Variants in EGFL7 observed in about 807,000 individuals in gnomAD.
The protein encoded by EGFL7 is epidermal growth factor-like protein 7.
EGFL7 carries 48 observed loss-of-function variants against 37.1 expected under a neutral mutation model. The observed-to-expected ratio is 1.29, with a 90% confidence interval of 1.03 to 1.65. EGFL7 has a LOEUF of 1.65. EGFL7 is among the 40% of genes most tolerant of loss of function. EGFL7 has a pLI of 0.00. For synonymous variants in EGFL7, 180 were observed against 156.8 expected (o/e 1.15, Z -1.10); for missense variants, 384 against 378.9 (o/e 1.01, Z -0.11).
chr9:136,670,145 C>G, intron 7 of EGFL7, 24 bp from the exon 8 acceptor site: 2 of 1,612,502 alleles, frequency 1.2e-6, no homozygotes, highest in African/African-American at 1.3e-5. Context: ...CAGGCATGGC[C>G]GCCTGACACC....
Position 136,672,253 on chromosome 9 carries a change from T to C in EGFL7, c.800-11T>C, listed in dbSNP as rs369699772. 23 of 1,613,340 alleles carry C rather than the reference T, an allele frequency of 1.4e-5. No individual in the cohort carries two copies. Among genetic ancestry groups the C allele is most frequent in the Middle Eastern group, 3.3e-4 (2 of 6,062 alleles). The stretch of plus-strand genomic sequence containing the variant: ...GCAGTGATCTCTGACCTTCGCCTCA[T>C]CCAACCCTAGGCTCCTGCAAGAAAG... On this transcript the variant is annotated splice_polypyrimidine_tract_variant and intron_variant, in intron 10 of 10. Coordinates refer to ENST00000308874, the MANE Select transcript of EGFL7 (RefSeq NM_016215.5).
intron 3 of EGFL7, 145 bp from the exon 4 acceptor site, chr9:136,668,096 G>A: frequency 1.7e-6 from 1 of 573,752 alleles, no homozygotes; most frequent in Non-Finnish European, 3.1e-6. Flanking sequence ...CAGCGGAGGA[G>A]AGAGTGGGCG....
rs1588257945 is a variant in EGFL7 at position 136,672,491 on chromosome 9, A to C, written c.*205A>C. ...GGGCTGGGATCTTCTCTGTGAATCC[A>C]CCCCTGGCTACCCCCACCCTGGCTA... On this transcript the variant is annotated 3_prime_UTR_variant, in exon 11 of 11. Coordinates refer to ENST00000308874, the MANE Select transcript of EGFL7 (RefSeq NM_016215.5). The C allele has an allele frequency of 1.6e-6, 1 of 632,270 alleles. No homozygotes were observed. Among genetic ancestry groups the C allele is most frequent in the Non-Finnish European group, 2.7e-6 (1 of 366,380 alleles). 39.2% of individuals were successfully genotyped at this position (632,270 alleles called of 1,614,324 possible). A position where few individuals can be genotyped will look rare whatever the true frequency, so the allele number is the denominator to read the frequency against.
chr9:136,667,300 A>C, intron 3 of EGFL7, among the ~76,000 whole-genome samples: 1 of 152,198 alleles, frequency 6.6e-6, no homozygotes. Context: ...AGGGCCCTGC[A>C]GTGCCTCGGA....
At position 136,672,431 on chromosome 9, in the gene EGFL7, T is replaced by G; in HGVS notation, c.*145T>G. 2 of 956,188 alleles carry G rather than the reference T, an allele frequency of 2.1e-6. No individual in the cohort carries two copies. Among genetic ancestry groups the G allele is most frequent in the Non-Finnish European group, 3.2e-6 (2 of 623,964 alleles). 59.2% of individuals were successfully genotyped at this position (956,188 alleles called of 1,614,324 possible). On this transcript the variant is annotated 3_prime_UTR_variant, in exon 11 of 11. Coordinates refer to ENST00000308874, the MANE Select transcript of EGFL7 (RefSeq NM_016215.5). ...GGCCTTCCTCCTCTTCCTCCTCCCC[T>G]TCCTCGGGAGGCTCCCCAGACCCTG...
At chr9:136,665,538 C>A (rs1396046490) in intron 3 of EGFL7, among the ~76,000 whole-genome samples, 1 of 152,168 alleles carries the variant, frequency 6.6e-6, no homozygotes, top group African/African-American at 2.4e-5. Flanking sequence ...GCAGCGAGCG[C>A]CCTGCCGCGG....
chr9:136,672,407 G>T lies in EGFL7; in HGVS notation c.*121G>T. On this transcript the variant is annotated 3_prime_UTR_variant, in exon 11 of 11. Transcript: ENST00000308874. ...GTGACTGAGCGGAAGGCCAGGCAGG[G>T]CCTTCCTCCTCTTCCTCCTCCCCTT... The T allele has an allele frequency of 2.9e-5, 35 of 1,226,766 alleles. No individual in the cohort carries two copies. Among genetic ancestry groups the T allele is most frequent in the East Asian group, 4.8e-5 (2 of 41,360 alleles). 76.0% of individuals were successfully genotyped at this position (1,226,766 alleles called of 1,614,324 possible).
chr9:136,670,304 C>T lies in EGFL7; in HGVS notation c.545C>T (p.Pro182Leu). The T allele has an allele frequency of 2.5e-6, 4 of 1,593,876 alleles. No homozygotes were observed. The highest frequency in any genetic ancestry group is 3.4e-6 in the Non-Finnish European group (4 of 1,167,600). Residue 182 changes from proline (P) to leucine (L), a missense_variant, in exon 8 of 11, where the codon CCC (proline) becomes CTC (leucine). Coordinates refer to ENST00000308874, the MANE Select transcript of EGFL7 (RefSeq NM_016215.5). Reference protein sequence around the residue: ...DGTLCVPKGGPPRVAPNPTGV... With the variant: ...DGTLCVPKGGLPRVAPNPTGV... ...ACACTCTGTGTGCCCAAGGGAGGGC[C>T]CCCCAGGGTGGCCCCCAACCCGACA...
chr9:136,670,601 C>G (rs773556589), intron 8 of EGFL7: 1 of 775,400 alleles, frequency 1.3e-6, no homozygotes, highest in Non-Finnish European at 2.4e-6. Flanking sequence ...CGCCACGCCT[C>G]CGCTGGCGAC....
In EGFL7 at chr9:136,666,835, C is replaced by T. The variant is rs1256025106; in HGVS notation, c.-42-1406C>T. Among the ~76,000 whole-genome samples the T allele has an allele frequency of 1.3e-5, 2 of 152,178 alleles. No homozygotes were observed. Among genetic ancestry groups the T allele is most frequent in the Admixed American group, 1.3e-4 (2 of 15,288 alleles). Reference sequence around the variant, plus strand: ...CCAGCCCCTAACAGTGTCCTTCATCCAGGGCCCATCCCCAGAGTTAATCTC... The same window carrying T: ...CCAGCCCCTAACAGTGTCCTTCATCTAGGGCCCATCCCCAGAGTTAATCTC... On this transcript the variant is annotated intron_variant, in intron 3 of 10. Transcript: ENST00000308874. The surrounding 1 kb of genome is among the most constrained non-coding windows in gnomAD (Gnocchi z 6.8).
rs1413927750 is a variant in EGFL7 at position 136,670,305 on chromosome 9, C to G, written c.546C>G (p.Pro182=). ...DGTLCVPKGG[P]PRVAPNPTGV... is the part of the protein sequence containing the mutation. ...CACTCTGTGTGCCCAAGGGAGGGCCCCCCAGGGTGGCCCCCAACCCGACAG... is the reference window on the plus strand; with the variant it reads ...CACTCTGTGTGCCCAAGGGAGGGCCGCCCAGGGTGGCCCCCAACCCGACAG... The change falls in exon 8 of 11, where the codon CCC becomes CCG. Residue 182 remains proline (P), a synonymous_variant. Coordinates refer to ENST00000308874, the MANE Select transcript of EGFL7 (RefSeq NM_016215.5). 2.5e-6 allele frequency: 4 copies of G among 1,592,862 alleles called. No homozygotes were observed. The Admixed American group carries it at 6.9e-5, about 27-fold the overall frequency.
chr9:136,667,913 A>G (rs1436388484), intron 3 of EGFL7, among the ~76,000 whole-genome samples: 4 of 152,138 alleles, frequency 2.6e-5, no homozygotes. Context: ...AGGACAGGAG[A>G]AACGGCCACC....
rs540720512 is a variant in EGFL7 at position 136,671,279 on chromosome 9, G to T, written c.636+265G>T. Among the ~76,000 whole-genome samples the T allele has an allele frequency of 1.4e-3, 166 of 117,256 alleles. 1 individual carries two copies. Among genetic ancestry groups the T allele is most frequent in the Admixed American group, 5.5e-3 (67 of 12,226 alleles). The allele number at this position is 117,256 out of a possible 152,430, so 76.9% of individuals were successfully genotyped here. ...GACCTGCTGGAGGAGATGAGGCGTC[G>T]GGGGGGGAGGCAGGCAGTCCAGGGT... is the stretch of plus-strand genomic sequence containing the variant. On this transcript the variant is annotated intron_variant, in intron 9 of 10. Transcript: ENST00000308874.
Position 136,664,675 on chromosome 9 carries a change from A to G in EGFL7, c.-136-17A>G, listed in dbSNP as rs7041558. ...GGACTGTGCATAGGCACTAACCCAC[A>G]ACTCCTCTCCAACCAGCAGCCCCCA... On this transcript the variant is annotated splice_polypyrimidine_tract_variant and intron_variant, in intron 2 of 10. Transcript: ENST00000308874. The G allele has an allele frequency of 0.6, 92,130 of 152,372 alleles. 28,237 individuals are homozygous for G. The highest frequency in any genetic ancestry group is 0.76 in the East Asian group (3,928 of 5,168). The allele number at this position is 152,372 out of a possible 1,614,324, so 9.4% of individuals were successfully genotyped here. A position where few individuals can be genotyped will look rare whatever the true frequency, so the allele number is the denominator to read the frequency against.
At chr9:136,671,873 G>A in intron 9 of EGFL7, 53 bp from the exon 10 acceptor site, 3 of 1,446,912 alleles carry the variant, frequency 2.1e-6, no homozygotes, top group Non-Finnish European at 2.7e-6. Flanking sequence ...AGACCCCGGT[G>A]GAGCAGAGAG....
At chr9:136,670,392 G>C in intron 8 of EGFL7, 62 bp downstream of exon 8, 1 of 1,486,916 alleles carries the variant, frequency 6.7e-7, no homozygotes, top group Non-Finnish European at 9.0e-7. Flanking sequence ...TTGCCGTGTG[G>C]CTGTTAGGCA....
intron 3 of EGFL7, among the ~76,000 whole-genome samples, chr9:136,667,380 C>T (rs1035921032): frequency 2.0e-5 from 3 of 152,042 alleles, no homozygotes; most frequent in African/African-American, 4.8e-5. Flanking sequence ...ATGGCAGGGG[C>T]TCGCCAGGTC....
Position 136,670,021 on chromosome 9 carries a change from T to TGTCCCCAGCG in EGFL7, c.409+12_409+13insGTCCCCAGCG. 6.3e-7 allele frequency: 1 copy of TGTCCCCAGCG among 1,591,236 alleles called. No individual in the cohort carries two copies. Among genetic ancestry groups the TGTCCCCAGCG allele is most frequent in the African/African-American group, 1.3e-5 (1 of 74,764 alleles). On this transcript the variant is annotated intron_variant, in intron 7 of 10. Transcript: ENST00000308874. ...CACTTGCCAGTCAGGTGAGGCTGGC[T>TGTCCCCAGCG]CTACCCTGGGGGGCCCTGGAAGGGT... is the stretch of plus-strand genomic sequence containing the variant.
chr9:136,670,607 G>T (rs754367436), intron 8 of EGFL7: 1 of 774,778 alleles, frequency 1.3e-6, no homozygotes, highest in Non-Finnish European at 2.4e-6. Flanking sequence ...GCCTCCGCTG[G>T]CGACGGGACA....
Sources: gnomAD v4.1 joint callset for allele counts (sites outside exome capture counted in the v4.1 genomes callset) on GRCh38, gnomAD v4.1.1 for gene constraint, Gnocchi (gnomAD v3.1) non-coding constraint, MANE v1.5 for transcripts, NCBI Gene and HGNC (gene_info 2026-07-23, HGNC 2026-07-21) for gene names.